EYA3: variants seen among roughly 807,000 people sequenced by gnomAD.
EYA3 encodes EYA transcriptional coactivator and phosphatase 3, also known as protein phosphatase EYA3.
Under a neutral mutation model 80.0 loss-of-function variants are expected in EYA3, and 39 were observed. The observed-to-expected ratio is 0.49, with a 90% CI of 0.38 to 0.64. The LOEUF (loss-of-function observed/expected upper bound fraction) is 0.64. Ranked by LOEUF, EYA3 falls within the 30% of genes least tolerant of loss-of-function variation. The pLI is 0.00. For synonymous variants in EYA3, 206 were observed against 232.8 expected, an observed-to-expected ratio of 0.88 and a Z score of 1.05; for missense variants, 523 against 676.1, an observed-to-expected ratio of 0.77 and a Z score of 2.51.
At chr1:27,997,292 G>C in intron 13 of EYA3, 28 bp downstream of exon 13, 1 of 1,596,272 alleles carries the variant, frequency 6.3e-7, no homozygotes, top group Non-Finnish European at 8.6e-7. Flanking sequence ...CAGGTGTACT[G>C]GTGTTCAAGA....
At chr1:28,042,723 C>G in intron 3 of EYA3, 73 bp from the exon 4 acceptor site, 1 of 1,159,670 alleles carries the variant, frequency 8.6e-7, no homozygotes, top group East Asian at 2.3e-5. Context: ...GAGTTCAAAC[C>G]CATTTCCTCC....
At chr1:27,994,233 G>A (rs748054220) in intron 13 of EYA3, among the ~76,000 whole-genome samples, 1 of 152,168 alleles carries the variant, frequency 6.6e-6, no homozygotes, top group Non-Finnish European at 1.5e-5. Context: ...CAGCTGTCAC[G>A]TGAGAACATT....
chr1:28,038,465 C>A (rs72658318), intron 5 of EYA3, among the ~76,000 whole-genome samples: 22,437 of 104,366 alleles, frequency 0.21, 2,241 homozygotes, highest in Non-Finnish European at 0.25. Context: ...AAAAAAAAAA[C>A]CGAACACAGA....
chr1:28,052,506 C>A (rs1405297377), intron 2 of EYA3, among the ~76,000 whole-genome samples: 3 of 152,076 alleles, frequency 2.0e-5, no homozygotes, highest in African/African-American at 7.2e-5. Context: ...GATGATTCAA[C>A]GAAGGAAGAA....
chr1:27,999,114 A>C (rs1185343180), intron 12 of EYA3, among the ~76,000 whole-genome samples: 1 of 152,224 alleles, frequency 6.6e-6, no homozygotes, highest in Non-Finnish European at 1.5e-5. Flanking sequence ...ACTATTTTTA[A>C]AACTAGGTAA....
In EYA3 at chr1:28,000,017, T is replaced by C; in HGVS notation, c.1026A>G (p.Thr342=). ...CCACTTCAAAAATCATTTCTTCCAT[T>C]GTTAAACCTGAGCCAATCACTACTG... ...DPTVVIGSGL[T]MEEMIFEVAD... Residue 342 remains threonine (T), a synonymous_variant, in exon 12 of 18, where the codon ACA becomes ACG. Coordinates refer to ENST00000373871, the MANE Select transcript of EYA3 (RefSeq NM_001990.4). The C allele has an allele frequency of 6.2e-7, 1 of 1,610,834 alleles. No homozygotes were observed. The highest frequency in any genetic ancestry group is 8.5e-7 in the Non-Finnish European group (1 of 1,178,588).
intron 7 of EYA3, among the ~76,000 whole-genome samples, chr1:28,022,293 C>A (rs530406778): frequency 6.6e-6 from 1 of 152,074 alleles, no homozygotes; most frequent in Middle Eastern, 3.2e-3. Flanking sequence ...GGACTACAAG[C>A]ACCCACCACC....
intron 2 of EYA3, among the ~76,000 whole-genome samples, chr1:28,052,152 G>A (rs755793155): frequency 3.0e-4 from 45 of 152,218 alleles, no homozygotes; most frequent in Non-Finnish European, 4.3e-4. Flanking sequence ...GGGACTACAG[G>A]TGCGTGCCAC....
At chr1:28,000,346 T>G (rs1388724007) in intron 11 of EYA3, among the ~76,000 whole-genome samples, 2 of 152,012 alleles carry the variant, frequency 1.3e-5, no homozygotes, top group Non-Finnish European at 2.9e-5. Flanking sequence ...GGAGTCTCAC[T>G]CTGTCGCCCA....
chr1:28,072,979 A>G (rs533207775), intron 1 of EYA3, among the ~76,000 whole-genome samples: 2 of 150,890 alleles, frequency 1.3e-5, no homozygotes, highest in South Asian at 4.2e-4. Context: ...CATATTGTAT[A>G]ATTCCATTTA....
intron 1 of EYA3, among the ~76,000 whole-genome samples, chr1:28,064,558 C>T (rs1557635969): frequency 1.3e-5 from 2 of 151,940 alleles, no homozygotes; most frequent in Admixed American, 6.6e-5. Flanking sequence ...TAAGGAAAAC[C>T]TGTCTACACC....
At chr1:28,058,120 G>T in intron 1 of EYA3, 26 bp from the exon 2 acceptor site, 1 of 952,598 alleles carries the variant, frequency 1.0e-6, no homozygotes, top group Non-Finnish European at 1.6e-6. Context: ...AGGATTCAAA[G>T]CTTTATACAC....
intron 13 of EYA3, among the ~76,000 whole-genome samples, chr1:27,996,189 G>A (rs1332320135): frequency 1.3e-5 from 2 of 152,104 alleles, no homozygotes; most frequent in Non-Finnish European, 2.9e-5. Flanking sequence ...CTGTTTTAAG[G>A]TACTAAACTC....
intron 16 of EYA3, among the ~76,000 whole-genome samples, chr1:27,978,894 G>A (rs542767401): frequency 6.6e-4 from 101 of 152,282 alleles, no homozygotes; most frequent in African/African-American, 2.4e-3. Flanking sequence ...CCCGGGAGGC[G>A]GAGGTTGCAG....
intron 6 of EYA3, among the ~76,000 whole-genome samples, chr1:28,028,503 G>A (rs912097545): frequency 2.0e-5 from 3 of 151,240 alleles, no homozygotes; most frequent in African/African-American, 4.8e-5. Flanking sequence ...AAAAAATACA[G>A]TCATATATAA....
chr1:28,003,444 G>C (rs949935800), intron 11 of EYA3, among the ~76,000 whole-genome samples: 5 of 152,046 alleles, frequency 3.3e-5, no homozygotes, highest in African/African-American at 1.2e-4. Context: ...ACTCCAGCCT[G>C]GGTGACAAGA....
chr1:28,032,227 T>G (rs1384209960), intron 6 of EYA3: 1 of 152,186 alleles, frequency 6.6e-6, no homozygotes, highest in Non-Finnish European at 1.5e-5. Flanking sequence ...CAACATTGTG[T>G]TTTTGCTATT....
intron 16 of EYA3, among the ~76,000 whole-genome samples, chr1:27,984,807 C>T (rs765464857): frequency 1.3e-5 from 2 of 152,126 alleles, no homozygotes; most frequent in Non-Finnish European, 2.9e-5. Context: ...AGAGCCACTA[C>T]TTCATTTTTC....
At chr1:28,036,357 T>G (rs1643454883) in intron 5 of EYA3, among the ~76,000 whole-genome samples, 1 of 152,104 alleles carries the variant, frequency 6.6e-6, no homozygotes, top group African/African-American at 2.4e-5. Context: ...AATAGAAAAC[T>G]AAGAGAACAA....
Sources: gnomAD v4.1 joint callset for allele counts (sites outside exome capture counted in the v4.1 genomes callset) on GRCh38, gnomAD v4.1.1 for gene constraint, MANE v1.5 for transcripts, NCBI Gene and HGNC (gene_info 2026-07-23, HGNC 2026-07-21) for gene names.